DOCK4: variants seen among roughly 807,000 people sequenced by gnomAD.
The protein encoded by DOCK4 is dedicator of cytokinesis protein 4.
In DOCK4, 97 loss-of-function variants were observed where a neutral mutation model predicts 268.1. That is an observed-to-expected ratio of 0.36 (90% CI 0.31 to 0.43). The LOEUF is 0.43. Among genes scored for constraint, DOCK4 ranks in the 20% least tolerant of loss-of-function variants. The pLI, the probability that DOCK4 is intolerant of heterozygous loss-of-function variation, is 1.00. For synonymous variants in DOCK4, 954 were observed against 887.2 expected (o/e 1.08, Z -1.34); for missense variants, 2,145 against 2,455.7 (o/e 0.87, Z 2.67).
chr7:112,134,648 A>G (rs1270149874), intron 1 of DOCK4, among the ~76,000 whole-genome samples: 1 of 152,190 alleles, frequency 6.6e-6, no homozygotes, highest in African/African-American at 2.4e-5. Flanking sequence ...CCCGGAAGGC[A>G]GAGCTTGCAG....
At chr7:112,049,817 T>A (rs1352072787) in intron 1 of DOCK4, among the ~76,000 whole-genome samples, 1 of 152,216 alleles carries the variant, frequency 6.6e-6, no homozygotes. Flanking sequence ...AATATTTATG[T>A]ACCTAAAAAC....
chr7:111,897,686 T>C (rs1182539703), intron 15 of DOCK4, among the ~76,000 whole-genome samples: 1 of 152,182 alleles, frequency 6.6e-6, no homozygotes, highest in African/African-American at 2.4e-5. Flanking sequence ...CACCCCCCAG[T>C]GCTGGCTCAG....
rs201856824 is a variant in DOCK4 at position 111,917,548 on chromosome 7, C to T, written c.1067-1644G>A. Reference sequence around the variant, plus strand: ...CTAACAAGGTGAAACCCCACCTCTACCAAAAAAATTAGCCCAGCGTGGTGG... The same window carrying T: ...CTAACAAGGTGAAACCCCACCTCTATCAAAAAAATTAGCCCAGCGTGGTGG... On this transcript the variant is annotated intron_variant, in intron 12 of 52. Coordinates refer to ENST00000428084, the MANE Select transcript of DOCK4 (RefSeq NM_001363540.2). 4.5e-4 allele frequency among the ~76,000 whole-genome samples: 68 copies of T among 151,416 alleles called. 1 individual carries two copies. The South Asian group carries it at 0.013, about 29-fold the overall frequency.
At chr7:111,911,136 T>C (rs1562876244) in intron 13 of DOCK4, among the ~76,000 whole-genome samples, 1 of 152,250 alleles carries the variant, frequency 6.6e-6, no homozygotes, top group South Asian at 2.1e-4. Flanking sequence ...GCCTCACCTG[T>C]TTTGACCCTA....
chr7:111,889,692 G>A (rs950738666), intron 16 of DOCK4, among the ~76,000 whole-genome samples: 9 of 152,116 alleles, frequency 5.9e-5, no homozygotes, highest in African/African-American at 2.2e-4. Context: ...AGGGTTTATG[G>A]ACAAATTTTT....
intron 28 of DOCK4, 34 bp downstream of exon 28, chr7:111,811,840 C>T: frequency 8.0e-7 from 1 of 1,256,076 alleles, no homozygotes; most frequent in Non-Finnish European, 1.1e-6. Flanking sequence ...ATTCTTTTAG[C>T]CCAAGCAGGA....
chr7:111,805,247 G>A (rs748231515), intron 30 of DOCK4, among the ~76,000 whole-genome samples: 1 of 152,136 alleles, frequency 6.6e-6, no homozygotes, highest in South Asian at 2.1e-4. Flanking sequence ...CATAAAAATG[G>A]GTGCTCATGG....
intron 1 of DOCK4, among the ~76,000 whole-genome samples, chr7:112,048,676 T>C (rs1272397700): frequency 2.0e-5 from 3 of 149,236 alleles, no homozygotes; most frequent in Non-Finnish European, 3.0e-5. Context: ...CAATCAAGAA[T>C]CAATTTCTGC....
At chr7:111,778,240 G>C (rs1008934936) in intron 36 of DOCK4, 36 bp downstream of exon 36, 2 of 1,421,362 alleles carry the variant, frequency 1.4e-6, no homozygotes, top group Non-Finnish European at 9.9e-7. Flanking sequence ...TAATACATCA[G>C]CTCCCTTCCC....
At chr7:112,150,052 A>C (rs1815911106) in intron 1 of DOCK4, among the ~76,000 whole-genome samples, 1 of 152,190 alleles carries the variant, frequency 6.6e-6, no homozygotes, top group African/African-American at 2.4e-5. Flanking sequence ...ATTGTCCACC[A>C]TTTTAGAAAA....
chr7:112,196,646 AG>A lies in DOCK4; in HGVS notation c.37+9455del, dbSNP rs1820474261. ...CCTGGTCTCTAAGCTGGTGACAGAGAGTGGGGAAGGGGCAATGGGTCTTCCT... is the reference window on the plus strand; with the variant it reads ...CCTGGTCTCTAAGCTGGTGACAGAGATGGGGAAGGGGCAATGGGTCTTCCT... On this transcript the variant is annotated intron_variant, in intron 1 of 52. Coordinates refer to ENST00000428084, the MANE Select transcript of DOCK4 (RefSeq NM_001363540.2). Among the ~76,000 whole-genome samples, 3 of 152,106 alleles carry A rather than the reference AG, an allele frequency of 2.0e-5. No individual in the cohort carries two copies. In the South Asian group the frequency reaches 6.2e-4, roughly 31 times the overall value.
At chr7:111,907,436 C>A (rs1791679859) in intron 13 of DOCK4, among the ~76,000 whole-genome samples, 1 of 150,674 alleles carries the variant, frequency 6.6e-6, no homozygotes, top group African/African-American at 2.4e-5. Context: ...GGAGATCTGG[C>A]AGCCCGTTGG....
At chr7:112,172,401 C>T (rs138389119) in intron 1 of DOCK4, among the ~76,000 whole-genome samples, 1 of 152,236 alleles carries the variant, frequency 6.6e-6, no homozygotes, top group Non-Finnish European at 1.5e-5. Context: ...GGAATTTGGG[C>T]CATATCTCTC....
At chr7:112,151,012 C>T (rs889171574) in intron 1 of DOCK4, among the ~76,000 whole-genome samples, 1 of 152,160 alleles carries the variant, frequency 6.6e-6, no homozygotes, top group Non-Finnish European at 1.5e-5. Context: ...AGCAGCGTTT[C>T]CTTATCTCCA....
chr7:112,114,681 C>A (rs929081462), intron 1 of DOCK4, among the ~76,000 whole-genome samples: 1 of 152,020 alleles, frequency 6.6e-6, no homozygotes, highest in Non-Finnish European at 1.5e-5. Context: ...AGATGTGAAC[C>A]CGAGGGACTG....
chr7:112,021,562 C>T (rs532716519), intron 1 of DOCK4, among the ~76,000 whole-genome samples: 39 of 152,316 alleles, frequency 2.6e-4, no homozygotes, highest in African/African-American at 7.5e-4. Flanking sequence ...CAGATGGGTC[C>T]GCTCCATGAA....
chr7:112,036,353 A>G (rs914286795), intron 1 of DOCK4, among the ~76,000 whole-genome samples: 4 of 152,180 alleles, frequency 2.6e-5, no homozygotes, highest in Admixed American at 1.3e-4. Context: ...ATATAGAACT[A>G]AGACTAAACA....
chr7:112,134,593 C>T (rs936492695), intron 1 of DOCK4, among the ~76,000 whole-genome samples: 3 of 151,950 alleles, frequency 2.0e-5, no homozygotes, highest in Non-Finnish European at 4.4e-5. Flanking sequence ...TGGTGACAGG[C>T]AAGTCCCAGC....
chr7:111,755,603 T>C lies in DOCK4; in HGVS notation c.4330-2A>G, dbSNP rs1272488567. 1 of 1,613,822 alleles carries C rather than the reference T, an allele frequency of 6.2e-7. No individual in the cohort carries two copies. The highest frequency in any genetic ancestry group is 8.5e-7 in the Non-Finnish European group (1 of 1,179,784). Reference sequence around the variant, plus strand: ...TGACGTTCTCTCCACCCAGAGACTCTACAAAACACAAAACACATTAAGTCT... The same window carrying C: ...TGACGTTCTCTCCACCCAGAGACTCCACAAAACACAAAACACATTAAGTCT... On this transcript the variant is annotated splice_acceptor_variant, in intron 41 of 52. Transcript: ENST00000428084. LOFTEE classifies it high-confidence loss of function.
Sources: allele counts gnomAD v4.1 joint callset (sites outside exome capture counted in the v4.1 genomes callset), GRCh38; gene constraint gnomAD v4.1.1; transcripts MANE v1.5; gene names NCBI Gene and HGNC (gene_info 2026-07-23, HGNC 2026-07-21).